BCOR: variants seen among roughly 807,000 people sequenced by gnomAD.
BCOR encodes BCL6 corepressor, also known as BCL-6 corepressor.
In BCOR, 10 loss-of-function variants were observed where a neutral mutation model predicts 86.7. The ratio of observed to expected loss-of-function variants is 0.12; its 90% confidence interval spans 0.07 to 0.20. BCOR has a LOEUF of 0.20. BCOR is among the 10% of genes least tolerant of loss of function. The pLI, the probability that BCOR is intolerant of heterozygous loss-of-function variation, is 1.00. For missense variants in BCOR, 1,259 were observed against 1,452.1 expected (o/e 0.87, Z 2.16); for synonymous variants, 611 against 609.0 (o/e 1.00, Z -0.05).
Position 40,131,869 on chromosome X carries a change from G to A in BCOR, c.-41+45138C>T, listed in dbSNP as rs1351647886. Among the ~76,000 whole-genome samples the A allele has an allele frequency of 3.1e-4, 34 of 111,351 alleles. 1 individual carries two copies. The Admixed American group carries it at 3.3e-3, about 11-fold the overall frequency. On this transcript the variant is annotated intron_variant, in intron 1 of 14. Transcript: ENST00000342274. ...CCTCATAACAACCCCATGAGATACC[G>A]TGGTGGTTTTAAACACGCCCGCTAG...
intron 1 of BCOR, among the ~76,000 whole-genome samples, chrX:40,147,994 C>T (rs1294026502): frequency 8.9e-6 from 1 of 111,985 alleles, no homozygotes; most frequent in African/African-American, 3.2e-5. Flanking sequence ...TTGAGGAGCT[C>T]GGACTGTTCT....
Position 40,072,388 on chromosome X carries a change from T to C in BCOR, c.2958A>G (p.Ala986=). ...GCTCCCGGCTGAGCTGACTGGAATC[T>C]GCATACAGTTCGGTAGTGACACATT... ...RFKCVTTELY[A]DSSQLSREQR... Residue 986 remains alanine (A), a synonymous_variant, in exon 4 of 15, where the codon GCA becomes GCG. Coordinates refer to ENST00000378444, the MANE Select transcript of BCOR (RefSeq NM_001123385.2). 12 of 1,210,489 alleles carry C rather than the reference T, an allele frequency of 9.9e-6. No homozygotes were observed. The highest frequency in any genetic ancestry group is 1.3e-5 in the Non-Finnish European group (12 of 894,832).
intron 1 of BCOR, among the ~76,000 whole-genome samples, chrX:40,123,287 G>A (rs1178345753): frequency 2.8e-4 from 31 of 110,818 alleles, no homozygotes. Context: ...GGGTCTTAGG[G>A]ACCCTCCAAC....
chrX:40,147,116 G>A (rs1938075400), intron 1 of BCOR, among the ~76,000 whole-genome samples: 1 of 111,107 alleles, frequency 9.0e-6, no homozygotes, highest in African/African-American at 3.3e-5. Flanking sequence ...AATCCACCGA[G>A]AGTCCCTGCG....
intron 1 of BCOR, among the ~76,000 whole-genome samples, chrX:40,157,656 T>C (rs1221715408): frequency 1.8e-5 from 2 of 112,126 alleles, no homozygotes; most frequent in African/African-American, 3.3e-5. Context: ...GGTACTTCTC[T>C]GTTTCTACCA....
chrX:40,137,842 T>G lies in BCOR; in HGVS notation c.-41+39165A>C, dbSNP rs188104087. On this transcript the variant is annotated intron_variant, in intron 1 of 14. Transcript: ENST00000342274. ...ACCCTGAGAGAGAAGATCTTACCGGTCTGTGGGTAAAACAAATGCTAGCTC... is the reference window on the plus strand; with the variant it reads ...ACCCTGAGAGAGAAGATCTTACCGGGCTGTGGGTAAAACAAATGCTAGCTC... Among the ~76,000 whole-genome samples, 4 of 112,048 alleles carry G rather than the reference T, an allele frequency of 3.6e-5. No homozygotes were observed. In the East Asian group the frequency reaches 1.1e-3, roughly 31 times the overall value.
chrX:40,158,272 C>G (rs1013902992), intron 1 of BCOR, among the ~76,000 whole-genome samples: 8 of 112,460 alleles, frequency 7.1e-5, no homozygotes, highest in Non-Finnish European at 1.1e-4. Context: ...GCGCGCGCCC[C>G]GGCTGACACG....
intron 1 of BCOR, among the ~76,000 whole-genome samples, chrX:40,115,230 G>T (rs113229186): frequency 0.093 from 10,377 of 111,127 alleles, 801 homozygotes; most frequent in African/African-American, 0.25. Flanking sequence ...AGGGTATATT[G>T]TTTGTCTGTC....
chrX:40,141,881 T>C (rs1937930372), intron 1 of BCOR, among the ~76,000 whole-genome samples: 1 of 110,903 alleles, frequency 9.0e-6, no homozygotes, highest in Non-Finnish European at 1.9e-5. Context: ...AGGGAGGCCA[T>C]AGAGGGGTCC....
chrX:40,095,922 A>G (rs1936842106), intron 1 of BCOR, among the ~76,000 whole-genome samples: 1 of 112,096 alleles, frequency 8.9e-6, no homozygotes. Flanking sequence ...GGCCCACTCG[A>G]GCGTGCGAGC....
rs754807742 is a variant in BCOR at position 40,075,081 on chromosome X, C to T, written c.265G>A (p.Val89Ile). The change falls in exon 4 of 15, where the codon GTC becomes ATC. Residue 89 changes from valine to isoleucine, a missense_variant. This residue lies in a region of BCOR where 174 missense variants were observed against 189.3 expected (regional missense o/e 0.92). Transcript: ENST00000378444. ...REGLRVPGNIVYSSLCGLGSE... is the reference protein window; with the variant it reads ...REGLRVPGNIIYSSLCGLGSE... ...CCCAGTCCACACAAGCTAGAATAGACGATGTTTCCCGGGACCCGCAGCCCT... is the reference window on the plus strand; with the variant it reads ...CCCAGTCCACACAAGCTAGAATAGATGATGTTTCCCGGGACCCGCAGCCCT... The T allele has an allele frequency of 2.1e-5, 25 of 1,205,390 alleles. No individual in the cohort carries two copies. Among genetic ancestry groups the T allele is most frequent in the Non-Finnish European group, 2.5e-5 (22 of 892,798 alleles).
chrX:40,087,564 T>C (rs1936416486), intron 1 of BCOR, among the ~76,000 whole-genome samples: 1 of 112,086 alleles, frequency 8.9e-6, no homozygotes, highest in African/African-American at 3.2e-5. Flanking sequence ...ACCAGACATA[T>C]CACAGCTGTA....
chrX:40,112,834 A>T (rs1421173563), intron 1 of BCOR, among the ~76,000 whole-genome samples: 1 of 111,208 alleles, frequency 9.0e-6, no homozygotes, highest in Non-Finnish European at 1.9e-5. Context: ...TCTTAGATAG[A>T]GAAGAGCTTT....
intron 12 of BCOR, 137 bp downstream of exon 12, chrX:40,055,230 GT>G (rs1463708051): frequency 4.9e-6 from 3 of 617,728 alleles, no homozygotes; most frequent in Non-Finnish European, 7.8e-6. Flanking sequence ...CCACACAAAA[GT>G]TCAAACACTC....
chrX:40,110,741 A>ACTCTTGT (rs1937297437), intron 1 of BCOR, among the ~76,000 whole-genome samples: 1 of 50,713 alleles, frequency 2.0e-5, no homozygotes, highest in African/African-American at 7.3e-5. Context: ...ACGGAGTCTC[A>ACTCTTGT]CTCTTGTCGC....
chrX:40,062,716 C>T (rs1327667849), intron 9 of BCOR, 30 bp downstream of exon 9: 8 of 1,181,374 alleles, frequency 6.8e-6, no homozygotes, highest in East Asian at 3.0e-5. Context: ...TTCGCACAGG[C>T]CCCAGAGGGA....
chrX:40,053,931 G>T lies in BCOR; in HGVS notation c.4931C>A (p.Thr1644Asn), dbSNP rs780610123. 2 of 1,209,122 alleles carry T rather than the reference G, an allele frequency of 1.7e-6. No individual in the cohort carries two copies. The highest frequency in any genetic ancestry group is 5.9e-5 in the East Asian group (2 of 33,771). ...SDVFEFEFSETPLLPCYNIQV... is the reference protein window; with the variant it reads ...SDVFEFEFSENPLLPCYNIQV... Reference sequence around the variant, plus strand: ...GATGTTATAACACGGTAAGAGGGGGGTCTCTGAAAATTCAAATTCAAACAC... The same window carrying T: ...GATGTTATAACACGGTAAGAGGGGGTTCTCTGAAAATTCAAATTCAAACAC... The change falls in exon 14 of 15, where the codon ACC becomes AAC. Residue 1644 changes from threonine (T) to asparagine (N), a missense_variant. Physicochemically the swap from Thr to Asn is moderately conservative, Grantham distance 65 (BLOSUM62 0). Around this residue, in one of 7 missense-constraint regions of BCOR, gnomAD observed 137 missense variants for 149.8 expected, o/e 0.91. Transcript: ENST00000378444.
At position 40,074,104 on chromosome X, in the gene BCOR, C is replaced by T. The variant is rs146423227; in HGVS notation, c.1242G>A (p.Ala414=). ...AGCTGCCATCTTTTCTGTCTTGAACCGCTGTCTTCCGGGCATGCCCGGGCA... is the reference window on the plus strand; with the variant it reads ...AGCTGCCATCTTTTCTGTCTTGAACTGCTGTCTTCCGGGCATGCCCGGGCA... ...QPVPGHARKT[A]VQDRKDGSSP... Residue 414 remains alanine (A), a synonymous_variant, in exon 4 of 15, where the codon GCG becomes GCA. Coordinates refer to ENST00000378444, the MANE Select transcript of BCOR (RefSeq NM_001123385.2). The T allele has an allele frequency of 1.2e-4, 145 of 1,211,100 alleles. No homozygotes were observed. The highest frequency in any genetic ancestry group is 1.8e-4 in the East Asian group (6 of 33,770).
Position 40,063,000 on chromosome X carries a change from C to A in BCOR, c.3919G>T (p.Ala1307Ser), listed in dbSNP as rs769942209. 8.5e-7 allele frequency: 1 copy of A among 1,175,101 alleles called. No individual in the cohort carries two copies. The highest frequency in any genetic ancestry group is 1.1e-6 in the Non-Finnish European group (1 of 877,574). ...GAGGCTGGTGCGCAGCTTGGCTGAG[C>A]CTGCTTTTTGCCGCCTGCACTGGTG... ...SSTSAGGKKQ[A>S]QPSCAPASRP... is the part of the protein sequence containing the mutation. The change falls in exon 9 of 15, where the codon GCT becomes TCT. Residue 1307 changes from alanine (A) to serine (S), a missense_variant. Transcript: ENST00000378444.
Sources: allele counts gnomAD v4.1 joint callset (sites outside exome capture counted in the v4.1 genomes callset), GRCh38; gene constraint gnomAD v4.1.1; regional missense constraint gnomAD v4.1.1; transcripts MANE v1.5; gene names NCBI Gene and HGNC (gene_info 2026-07-23, HGNC 2026-07-21).